SPAG16: variants seen among roughly 807,000 people sequenced by gnomAD.
The protein encoded by SPAG16 is sperm associated antigen 16.
SPAG16 carries 86 observed loss-of-function variants against 80.4 expected under a neutral mutation model. The ratio of observed to expected loss-of-function variants is 1.07; its 90% CI spans 0.90 to 1.28. The LOEUF is 1.28. Ranked by LOEUF, SPAG16 falls within the 50% of genes most tolerant of loss-of-function variation. The pLI, the probability that SPAG16 is intolerant of heterozygous loss-of-function variation, is 0.00. For missense variants in SPAG16, 870 were observed against 765.3 expected, an observed-to-expected ratio of 1.14 and a Z score of -1.61; for synonymous variants, 294 against 265.9, an observed-to-expected ratio of 1.11 and a Z score of -1.03.
intron 13 of SPAG16, among the ~76,000 whole-genome samples, chr2:214,019,814 G>A (rs2047769156): frequency 6.6e-6 from 1 of 152,116 alleles, no homozygotes; most frequent in Admixed American, 6.6e-5. Flanking sequence ...AGATCTATGT[G>A]CTAGGCAACA....
chr2:214,224,475 T>C (rs376633418), intron 15 of SPAG16, among the ~76,000 whole-genome samples: 17 of 152,266 alleles, frequency 1.1e-4, no homozygotes, highest in African/African-American at 3.6e-4. Context: ...ACAGATGAAA[T>C]ACAAATTTAG....
chr2:214,064,778 G>A (rs898765262), intron 13 of SPAG16, among the ~76,000 whole-genome samples: 16 of 151,990 alleles, frequency 1.1e-4, no homozygotes, highest in African/African-American at 3.9e-4. Flanking sequence ...CACTGAAGAT[G>A]TTTAAATACT....
intron 12 of SPAG16, among the ~76,000 whole-genome samples, chr2:213,980,268 TTCTC>T (rs755601981): frequency 0.042 from 1,398 of 33,630 alleles, 45 homozygotes; most frequent in African/African-American, 0.12. Flanking sequence ...TGTATATATA[TTCTC>T]TATATATATA....
At chr2:213,422,556 A>G (rs574543870) in intron 9 of SPAG16, 2 of 434,020 alleles carry the variant, frequency 4.6e-6, no homozygotes, top group Admixed American at 7.5e-5. Context: ...AGCAGGCCCA[A>G]GCAAAACTTG....
chr2:214,394,734 A>C (rs529714995), intron 15 of SPAG16, among the ~76,000 whole-genome samples: 26 of 152,310 alleles, frequency 1.7e-4, no homozygotes, highest in African/African-American at 6.0e-4. Flanking sequence ...TAAATGACAC[A>C]TCATTATCCT....
At chr2:213,399,883 A>G (rs1439178531) in intron 9 of SPAG16, among the ~76,000 whole-genome samples, 1 of 152,098 alleles carries the variant, frequency 6.6e-6, no homozygotes, top group Non-Finnish European at 1.5e-5. Flanking sequence ...TAATATGCTT[A>G]CATGAATATG....
intron 13 of SPAG16, among the ~76,000 whole-genome samples, chr2:214,028,364 T>C (rs2048241058): frequency 6.6e-6 from 1 of 152,070 alleles, no homozygotes; most frequent in Admixed American, 6.6e-5. Flanking sequence ...GGCAGATAGA[T>C]GATGGAGCCT....
intron 10 of SPAG16, among the ~76,000 whole-genome samples, chr2:213,821,563 T>C (rs1331035762): frequency 6.6e-6 from 1 of 152,194 alleles, no homozygotes; most frequent in Non-Finnish European, 1.5e-5. Context: ...AATCAATTTA[T>C]GTATACTATT....
At chr2:214,277,055 A>T (rs1331460641) in intron 15 of SPAG16, among the ~76,000 whole-genome samples, 1 of 152,106 alleles carries the variant, frequency 6.6e-6, no homozygotes, top group Non-Finnish European at 1.5e-5. Flanking sequence ...AATCACTGAT[A>T]GCCTTTCTTC....
intron 10 of SPAG16, among the ~76,000 whole-genome samples, chr2:213,699,642 C>A (rs1003541328): frequency 7.9e-5 from 12 of 152,210 alleles, no homozygotes; most frequent in Admixed American, 7.2e-4. Flanking sequence ...AATGTATATA[C>A]CCTATGTAAC....
intron 10 of SPAG16, among the ~76,000 whole-genome samples, chr2:213,765,490 T>C (rs1473469745): frequency 6.6e-6 from 1 of 152,254 alleles, no homozygotes; most frequent in Non-Finnish European, 1.5e-5. Flanking sequence ...GAATGCCTTC[T>C]ATGTCCTCTT....
At chr2:214,361,604 T>G (rs1699188044) in intron 15 of SPAG16, among the ~76,000 whole-genome samples, 1 of 151,902 alleles carries the variant, frequency 6.6e-6, no homozygotes, top group African/African-American at 2.4e-5. Context: ...TAAAGTTTAT[T>G]TTAGTAGAGA....
At chr2:213,743,849 T>G (rs2067691549) in intron 10 of SPAG16, among the ~76,000 whole-genome samples, 1 of 152,216 alleles carries the variant, frequency 6.6e-6, no homozygotes, top group Non-Finnish European at 1.5e-5. Flanking sequence ...TTCCCACTGT[T>G]CTCCTTTTAA....
intron 10 of SPAG16, among the ~76,000 whole-genome samples, chr2:213,766,212 A>G (rs2068931393): frequency 2.0e-5 from 3 of 152,188 alleles, no homozygotes; most frequent in Admixed American, 2.0e-4. Context: ...AGAAATAGAA[A>G]GTAGTTTAGT....
At chr2:213,606,719 C>G (rs1405059638) in intron 10 of SPAG16, among the ~76,000 whole-genome samples, 1 of 152,142 alleles carries the variant, frequency 6.6e-6, no homozygotes, top group Non-Finnish European at 1.5e-5. Context: ...CTAAGACTCT[C>G]TACTTTAGCT....
At chr2:213,366,717 C>G (rs754869067) in intron 8 of SPAG16, among the ~76,000 whole-genome samples, 33 of 152,170 alleles carry the variant, frequency 2.2e-4, no homozygotes, top group Non-Finnish European at 3.7e-4. Flanking sequence ...GGACACAGCC[C>G]AAACCATATC....
intron 6 of SPAG16, among the ~76,000 whole-genome samples, 168 bp from the exon 7 acceptor site, chr2:213,350,360 A>T (rs1559440920): frequency 6.6e-6 from 1 of 152,154 alleles, no homozygotes; most frequent in Non-Finnish European, 1.5e-5. Context: ...GTTGCAGTGA[A>T]GTTGTATGCT....
At chr2:213,954,647 T>C (rs1198188969) in intron 12 of SPAG16, among the ~76,000 whole-genome samples, 5 of 152,132 alleles carry the variant, frequency 3.3e-5, no homozygotes, top group African/African-American at 9.6e-5. Flanking sequence ...GTTGGACATA[T>C]GTTTTCATTA....
chr2:214,408,290 T>C (rs893593819), intron 15 of SPAG16, among the ~76,000 whole-genome samples: 5 of 152,146 alleles, frequency 3.3e-5, no homozygotes, highest in Non-Finnish European at 7.4e-5. Context: ...TTTTCAGCTG[T>C]TGTATAAAGA....
Sources: gnomAD v4.1 joint callset for allele counts (sites outside exome capture counted in the v4.1 genomes callset) on GRCh38, gnomAD v4.1.1 for gene constraint, MANE v1.5 for transcripts, NCBI Gene and HGNC (gene_info 2026-07-23, HGNC 2026-07-21) for gene names.